The following TENM3 variants were observed in gnomAD, a reference collection of about 807,000 sequenced individuals.
The protein encoded by TENM3 is teneurin transmembrane protein 3.
Under a neutral mutation model 255.1 loss-of-function variants are expected in TENM3, and 63 were observed. That is an observed-to-expected ratio of 0.25 (90% confidence interval 0.20 to 0.30). The LOEUF (loss-of-function observed/expected upper bound fraction) is 0.30, where lower values mean the gene tolerates loss of function less well. Ranked by LOEUF, TENM3 falls within the 10% of genes least tolerant of loss-of-function variation. The pLI, the probability that TENM3 is intolerant of heterozygous loss-of-function variation, is 1.00. For missense variants in TENM3, 2,929 were observed against 3,461.1 expected (o/e 0.85, Z 3.86); for synonymous variants, 1,306 against 1,322.3 (o/e 0.99, Z 0.27).
intron 1 of TENM3, among the ~76,000 whole-genome samples, chr4:182,316,832 G>A (rs932036306): frequency 2.8e-4 from 42 of 152,142 alleles, no homozygotes; most frequent in African/African-American, 1.0e-3. Context: ...CCTGTTCTAC[G>A]GGGCTCAGCT....
the TENM3 span, among the ~76,000 whole-genome samples, chr4:181,591,958 G>A: frequency 5.4e-5 from 8 of 147,534 alleles, no homozygotes; most frequent in South Asian, 6.5e-4. Context: ...AAAAAAGCCA[G>A]AAAAAAAAAA....
At chr4:182,287,753 A>G (rs2150307792) in intron 1 of TENM3, among the ~76,000 whole-genome samples, 1 of 151,774 alleles carries the variant, frequency 6.6e-6, no homozygotes, top group Non-Finnish European at 1.5e-5. Flanking sequence ...AGCTGGGACT[A>G]CAGGCGCCCT....
intron 3 of TENM3, among the ~76,000 whole-genome samples, chr4:182,506,071 A>G (rs1736786549): frequency 6.6e-6 from 1 of 152,210 alleles, no homozygotes; most frequent in African/African-American, 2.4e-5. Flanking sequence ...TGTGGTCTAG[A>G]AGGAGGCACA....
At chr4:182,484,909 T>G (rs1734551425) in intron 3 of TENM3, among the ~76,000 whole-genome samples, 1 of 152,176 alleles carries the variant, frequency 6.6e-6, no homozygotes, top group Admixed American at 6.5e-5. Flanking sequence ...AAATTAATAG[T>G]TCTCTAATGG....
chr4:182,504,656 T>C (rs956041040), intron 3 of TENM3, among the ~76,000 whole-genome samples: 4 of 152,224 alleles, frequency 2.6e-5, no homozygotes, highest in African/African-American at 9.7e-5. Context: ...AAAAGCATTT[T>C]CTATTACTGA....
chr4:182,358,928 AG>A (rs1220364442), intron 3 of TENM3, among the ~76,000 whole-genome samples: 18 of 152,018 alleles, frequency 1.2e-4, no homozygotes, highest in African/African-American at 3.9e-4. Context: ...TTTAGCGTGA[AG>A]GGTTGTTGAA....
the TENM3 span, among the ~76,000 whole-genome samples, chr4:181,915,761 C>G: frequency 6.6e-6 from 1 of 151,574 alleles, no homozygotes; most frequent in Non-Finnish European, 1.5e-5. Context: ...CTGTGAGGAA[C>G]AGGAAGGTGA....
chr4:182,057,478 G>A, the TENM3 span, among the ~76,000 whole-genome samples: 6 of 145,414 alleles, frequency 4.1e-5, no homozygotes, highest in African/African-American at 7.7e-5. Flanking sequence ...TGGCATGATC[G>A]TGGCTCACTG....
the TENM3 span, among the ~76,000 whole-genome samples, chr4:182,098,895 A>T: frequency 0.12 from 17,640 of 151,842 alleles, 1,243 homozygotes; most frequent in Middle Eastern, 0.23. Context: ...TGATTTGATC[A>T]TTACACATTG....
chr4:182,074,462 G>C, the TENM3 span, among the ~76,000 whole-genome samples: 1 of 152,200 alleles, frequency 6.6e-6, no homozygotes, highest in Non-Finnish European at 1.5e-5. Flanking sequence ...AAGACTTGTG[G>C]AAGGAATTTA....
chr4:181,772,999 CA>C, the TENM3 span, among the ~76,000 whole-genome samples: 1 of 152,106 alleles, frequency 6.6e-6, no homozygotes, highest in South Asian at 2.1e-4. Flanking sequence ...GGCACCCCCC[CA>C]AAAAATATAA....
At chr4:182,235,616 T>A (rs1422917024) in intron 1 of TENM3, among the ~76,000 whole-genome samples, 1 of 150,144 alleles carries the variant, frequency 6.7e-6, no homozygotes, top group African/African-American at 2.5e-5. Context: ...ACTACACACA[T>A]ACACACGGGA....
At chr4:181,961,495 C>A in the TENM3 span, among the ~76,000 whole-genome samples, 1 of 152,108 alleles carries the variant, frequency 6.6e-6, no homozygotes, top group East Asian at 1.9e-4. Context: ...TCTCGACTCA[C>A]TGCAAGCTCT....
At chr4:182,576,107 C>T (rs192246914) in intron 3 of TENM3, among the ~76,000 whole-genome samples, 17 of 152,258 alleles carry the variant, frequency 1.1e-4, no homozygotes, top group Middle Eastern at 3.4e-3. Flanking sequence ...GATATTTATT[C>T]GGTAGATTTT....
chr4:181,501,835 G>T, the TENM3 span, among the ~76,000 whole-genome samples: 1 of 152,160 alleles, frequency 6.6e-6, no homozygotes, highest in East Asian at 1.9e-4. Context: ...TTTCAAGTCG[G>T]TGCTATAGAG....
the TENM3 span, among the ~76,000 whole-genome samples, chr4:181,853,042 T>A: frequency 1.3e-5 from 2 of 152,244 alleles, no homozygotes; most frequent in Non-Finnish European, 2.9e-5. Flanking sequence ...ATGCCAGTTA[T>A]CTCAGACTAG....
At chr4:181,771,876 A>C in the TENM3 span, among the ~76,000 whole-genome samples, 1 of 152,162 alleles carries the variant, frequency 6.6e-6, no homozygotes, top group Non-Finnish European at 1.5e-5. Context: ...AAGATGCTAC[A>C]CTCACCTTCG....
At chr4:182,666,013 A>G (rs753101730) in intron 6 of TENM3, among the ~76,000 whole-genome samples, 1 of 152,234 alleles carries the variant, frequency 6.6e-6, no homozygotes, top group Non-Finnish European at 1.5e-5. Context: ...ACTTAATTCC[A>G]ACATTCATAG....
intron 3 of TENM3, among the ~76,000 whole-genome samples, chr4:182,384,303 G>T (rs1767757979): frequency 8.0e-6 from 1 of 125,762 alleles, no homozygotes. Flanking sequence ...AATGTCTGCT[G>T]TGGTTCAGTT....
Sources: allele counts gnomAD v4.1 joint callset (sites outside exome capture counted in the v4.1 genomes callset), GRCh38; gene constraint gnomAD v4.1.1; transcripts MANE v1.5; gene names NCBI Gene and HGNC (gene_info 2026-07-23, HGNC 2026-07-21).